Variants in NIPAL3 observed in about 807,000 individuals in gnomAD.
NIPAL3 encodes NIPA like domain containing 3, also known as NIPA-like protein 3.
Under a neutral mutation model 47.2 loss-of-function variants are expected in NIPAL3, and 41 were observed. That is an observed-to-expected ratio of 0.87 (90% confidence interval 0.68 to 1.13). The LOEUF is 1.13. Ranked by LOEUF, NIPAL3 falls within the 50% of genes most tolerant of loss-of-function variation. The pLI is 0.00. For missense variants in NIPAL3, 449 were observed against 530.1 expected (o/e 0.85, Z 1.50); for synonymous variants, 194 against 209.6 (o/e 0.93, Z 0.64).
In NIPAL3 at chr1:24,449,461, A is replaced by G. The variant is rs746787085; in HGVS notation, c.395-20A>G. On this transcript the variant is annotated intron_variant, in intron 5 of 11. Transcript: ENST00000374399. The surrounding 1 kb of genome is among the most constrained non-coding windows in gnomAD (Gnocchi z 4.5). ...GGCCTGTTGTTGCAATGAGTCCGTG[A>G]CAGCCTCTCTTCCCCGCAGGGCGCT... The G allele has an allele frequency of 3.7e-6, 6 of 1,612,290 alleles. No homozygotes were observed. In the South Asian group the frequency reaches 6.6e-5, roughly 18 times the overall value.
Position 24,471,747 on chromosome 1 carries a change from G to A in NIPAL3, c.*2562G>A, listed in dbSNP as rs1390418055. On this transcript the variant is annotated 3_prime_UTR_variant, in exon 12 of 12. Transcript: ENST00000374399. ...GATTGAAAAGGAGGGCTTGTTCAGT[G>A]TGGAGGAAGAATCAGAAGGGGGAAT... is the stretch of plus-strand genomic sequence containing the variant. 2 of 152,192 alleles carry A rather than the reference G, an allele frequency of 1.3e-5. No individual in the cohort carries two copies. The highest frequency in any genetic ancestry group is 4.8e-5 in the African/African-American group (2 of 41,440). The allele number at this position is 152,192 out of a possible 1,614,324, so 9.4% of individuals were successfully genotyped here.
At chr1:24,434,475 C>T (rs929577125) in intron 2 of NIPAL3, among the ~76,000 whole-genome samples, 2 of 152,066 alleles carry the variant, frequency 1.3e-5, no homozygotes, top group Non-Finnish European at 2.9e-5. Flanking sequence ...AAGAAATACA[C>T]GATAATAGCC....
At chr1:24,468,895 C>G in intron 11 of NIPAL3, 91 bp from the exon 12 acceptor site, 2 of 1,181,872 alleles carry the variant, frequency 1.7e-6, no homozygotes, top group Non-Finnish European at 2.5e-6. Context: ...CTGCTGAGCA[C>G]TATAATTAGT....
upstream of NIPAL3, chr1:24,413,911 G>C (rs895312494): frequency 1.3e-5 from 2 of 152,372 alleles, no homozygotes; most frequent in Admixed American, 1.3e-4. Flanking sequence ...CTGTAGCGGG[G>C]TGGGGAACTA....
rs1333983753 is a variant in NIPAL3 at position 24,416,004 on chromosome 1, C to T, written c.-258+100C>T. The T allele has an allele frequency of 1.0e-6, 1 of 985,476 alleles. No individual in the cohort carries two copies. The allele number at this position is 985,476 out of a possible 1,614,324, so 61.0% of individuals were successfully genotyped here. A position where few individuals can be genotyped will look rare whatever the true frequency, so the allele number is the denominator to read the frequency against. The stretch of plus-strand genomic sequence containing the variant: ...CCTAACGTCCCCTAGTGTACATACC[C>T]TTCCTTCTTACTGTCACCAGCCTCG... On this transcript the variant is annotated intron_variant, in intron 1 of 11. Transcript: ENST00000374399. The surrounding 1 kb of genome is among the most constrained non-coding windows in gnomAD (Gnocchi z 4.8).
At chr1:24,438,252 T>C (rs557474863) in intron 2 of NIPAL3, among the ~76,000 whole-genome samples, 8 of 152,336 alleles carry the variant, frequency 5.3e-5, no homozygotes, top group African/African-American at 1.4e-4. Context: ...TTGCTGCTCA[T>C]CGGGTGAGTC....
intron 10 of NIPAL3, among the ~76,000 whole-genome samples, chr1:24,462,492 T>G (rs958994663): frequency 6.6e-6 from 1 of 152,178 alleles, no homozygotes; most frequent in African/African-American, 2.4e-5. Context: ...ATAAGCCAGG[T>G]ACAGTGGCTC....
At chr1:24,438,061 G>A (rs912116780) in intron 2 of NIPAL3, among the ~76,000 whole-genome samples, 2 of 152,128 alleles carry the variant, frequency 1.3e-5, no homozygotes, top group Non-Finnish European at 2.9e-5. Flanking sequence ...CCCAGCAGTG[G>A]GTAGAGGATG....
intron 10 of NIPAL3, among the ~76,000 whole-genome samples, chr1:24,461,998 T>G (rs1056238931): frequency 6.6e-6 from 1 of 152,164 alleles, no homozygotes; most frequent in African/African-American, 2.4e-5. Context: ...ACTGGGTAAT[T>G]TATAAAGGAA....
chr1:24,414,760 T>C (rs994800969), upstream of NIPAL3: 1 of 151,990 alleles, frequency 6.6e-6, no homozygotes, highest in African/African-American at 2.4e-5. Flanking sequence ...GGTCTCAAAC[T>C]CCTGGGCTTA....
intron 2 of NIPAL3, among the ~76,000 whole-genome samples, chr1:24,433,554 T>G (rs759224580): frequency 1.5e-4 from 23 of 152,202 alleles, no homozygotes; most frequent in Non-Finnish European, 2.5e-4. Context: ...GTGCCCAGAG[T>G]AAATTCCTCC....
chr1:24,461,740 G>C (rs1431855473), intron 10 of NIPAL3, among the ~76,000 whole-genome samples: 2 of 141,348 alleles, frequency 1.4e-5, no homozygotes, highest in Admixed American at 1.4e-4. Context: ...ATGGTGGCAG[G>C]CACCTGTAAT....
At chr1:24,422,308 G>T (rs920635214) in intron 2 of NIPAL3, among the ~76,000 whole-genome samples, 28 of 152,106 alleles carry the variant, frequency 1.8e-4, no homozygotes, top group Non-Finnish European at 2.1e-4. Flanking sequence ...ACTGAGAACT[G>T]GGAGACCTGA....
intron 2 of NIPAL3, among the ~76,000 whole-genome samples, chr1:24,425,387 T>TTCCC (rs1265947537): frequency 6.6e-6 from 1 of 152,190 alleles, no homozygotes; most frequent in African/African-American, 2.4e-5. Context: ...AAGACAATTC[T>TTCCC]TCTTCCAATG....
intron 2 of NIPAL3, among the ~76,000 whole-genome samples, chr1:24,429,997 A>G (rs1309444255): frequency 6.6e-6 from 1 of 152,236 alleles, no homozygotes; most frequent in Non-Finnish European, 1.5e-5. Context: ...AAATTTTACA[A>G]TGATTATTAA....
intron 2 of NIPAL3, among the ~76,000 whole-genome samples, chr1:24,434,476 G>A (rs1570249322): frequency 6.6e-6 from 1 of 152,060 alleles, no homozygotes; most frequent in South Asian, 2.1e-4. Flanking sequence ...AGAAATACAC[G>A]ATAATAGCCA....
chr1:24,420,387 A>G (rs1644273826), intron 2 of NIPAL3, among the ~76,000 whole-genome samples: 1 of 152,092 alleles, frequency 6.6e-6, no homozygotes, highest in Non-Finnish European at 1.5e-5. Flanking sequence ...CTGTAGTCCT[A>G]ACTACTCAGG....
At chr1:24,447,448 C>G (rs1352464099) in intron 5 of NIPAL3, among the ~76,000 whole-genome samples, 1 of 151,812 alleles carries the variant, frequency 6.6e-6, no homozygotes, top group African/African-American at 2.4e-5. Flanking sequence ...GAGAAAATTT[C>G]CAAGATGTTG....
intron 10 of NIPAL3, 122 bp from the exon 11 acceptor site, chr1:24,463,904 G>A: frequency 2.8e-6 from 2 of 709,428 alleles, no homozygotes; most frequent in South Asian, 2.2e-5. Flanking sequence ...TCCTTGGGCG[G>A]TGAGCCCTCC....
Sources: allele counts gnomAD v4.1 joint callset (sites outside exome capture counted in the v4.1 genomes callset), GRCh38; gene constraint gnomAD v4.1.1; non-coding constraint Gnocchi (gnomAD v3.1); transcripts MANE v1.5; gene names NCBI Gene and HGNC (gene_info 2026-07-23, HGNC 2026-07-21).